Variants in AHRR observed in about 807,000 individuals in gnomAD.
AHRR encodes aryl hydrocarbon receptor repressor.
A neutral mutation model predicts 44.0 loss-of-function variants in AHRR; 28 were observed. That is an observed-to-expected ratio of 0.64 (90% CI 0.47 to 0.87). AHRR has a LOEUF of 0.87. AHRR is among the 40% of genes least tolerant of loss of function. The pLI is 0.00. For synonymous variants in AHRR, 434 were observed against 407.0 expected, an observed-to-expected ratio of 1.07 and a Z score of -0.80; for missense variants, 990 against 953.9, an observed-to-expected ratio of 1.04 and a Z score of -0.50.
chr5:356,057 T>C (rs1743028680), intron 3 of AHRR, among the ~76,000 whole-genome samples: 1 of 152,234 alleles, frequency 6.6e-6, no homozygotes, highest in Non-Finnish European at 1.5e-5. Flanking sequence ...CATAAAAAGT[T>C]GCCTTTGGGA....
intron 3 of AHRR, among the ~76,000 whole-genome samples, chr5:365,627 C>G (rs978269189): frequency 1.3e-5 from 2 of 151,180 alleles, no homozygotes; most frequent in African/African-American, 4.9e-5. Flanking sequence ...AAACATACAA[C>G]AGAGTTCTTT....
At chr5:409,914 G>A (rs1735404905) in intron 4 of AHRR, among the ~76,000 whole-genome samples, 1 of 152,162 alleles carries the variant, frequency 6.6e-6, no homozygotes, top group Non-Finnish European at 1.5e-5. Context: ...CTTTGTGTTT[G>A]TGTCTGTTGT....
intron 1 of AHRR, among the ~76,000 whole-genome samples, chr5:332,336 C>T (rs558835088): frequency 2.7e-5 from 4 of 145,680 alleles, no homozygotes; most frequent in East Asian, 4.0e-4. Flanking sequence ...GGCATGATCT[C>T]GGCTCACCAC....
rs564542491 is a variant in AHRR, at chr5:424,906, C to G, written c.708+929C>G. On this transcript the variant is annotated intron_variant, in intron 7 of 10. Coordinates refer to ENST00000684583, the MANE Select transcript of AHRR (RefSeq NM_001377236.1). ...CTCCCACCCTGTCCCAGAGCCCTGCCCACCTTGCAGACCCTCCAGGCACTG... is the reference window on the plus strand; with the variant it reads ...CTCCCACCCTGTCCCAGAGCCCTGCGCACCTTGCAGACCCTCCAGGCACTG... Among the ~76,000 whole-genome samples the G allele has an allele frequency of 7.2e-5, 11 of 152,358 alleles. No homozygotes were observed. The East Asian group carries it at 9.6e-4, about 13-fold the overall frequency.
chr5:341,853 C>T (rs569953458), intron 1 of AHRR, among the ~76,000 whole-genome samples: 2 of 152,116 alleles, frequency 1.3e-5, no homozygotes, highest in East Asian at 3.9e-4. Context: ...TATCAGTTTC[C>T]ATCAAAGTAC....
chr5:341,844 A>G (rs1184573933), intron 1 of AHRR, among the ~76,000 whole-genome samples: 1 of 152,146 alleles, frequency 6.6e-6, no homozygotes, highest in African/African-American at 2.4e-5. Context: ...ACTTAATGCT[A>G]TCAGTTTCCA....
rs778546297 is a variant in AHRR at position 406,496 on chromosome 5, T to A, written c.352-6848T>A. Among the ~76,000 whole-genome samples the A allele has an allele frequency of 2.2e-4, 34 of 152,220 alleles. No individual in the cohort carries two copies. Among genetic ancestry groups the A allele is most frequent in the Non-Finnish European group, 3.4e-4 (23 of 68,028 alleles). On this transcript the variant is annotated intron_variant, in intron 4 of 10. Coordinates refer to ENST00000684583, the MANE Select transcript of AHRR (RefSeq NM_001377236.1). This position sits in a 1 kb window ranked among gnomAD's most constrained non-coding sequence, Gnocchi z 4.7. ...GAAGTTGTCTCAAAATAAAGGGGGA[T>A]CAGGTGGCTGGTCCACTTGTTCTTA...
chr5:404,271 C>A lies in AHRR; in HGVS notation c.352-9073C>A. ...TCCATGCATGTTCCCAAATCATTGC[C>A]CTTCTCATCAAACATGTGAATAATT... is the stretch of plus-strand genomic sequence containing the variant. On this transcript the variant is annotated intron_variant, in intron 4 of 10. Transcript: ENST00000684583. This position sits in a 1 kb window ranked among gnomAD's most constrained non-coding sequence, Gnocchi z 4.1. The A allele has an allele frequency of 2.0e-6, 1 of 499,250 alleles. No homozygotes were observed. The highest frequency in any genetic ancestry group is 1.6e-5 in the South Asian group (1 of 64,030). 30.9% of individuals were successfully genotyped at this position (499,250 alleles called of 1,614,324 possible).
At chr5:427,722 G>T in intron 7 of AHRR, 85 bp from the exon 8 acceptor site, 1 of 1,613,842 alleles carries the variant, frequency 6.2e-7, no homozygotes, top group Non-Finnish European at 8.5e-7. Context: ...TCCAGCCGCT[G>T]TCGCGCCCTT....
rs2126554713 is a variant in AHRR, at chr5:434,719, T to G, written c.1979T>G (p.Leu660Trp). Reference sequence around the variant, plus strand: ...GCCCCTGTGGTCAAGCGGGAGCCCTTGGACTCACCCCAGTGGGCTACTCAC... The same window carrying G: ...GCCCCTGTGGTCAAGCGGGAGCCCTGGGACTCACCCCAGTGGGCTACTCAC... ...EAAPVVKREP[L>W]DSPQWATHSQ... is the part of the protein sequence containing the mutation. The change falls in exon 11 of 11, where the codon TTG (leucine) becomes TGG (tryptophan). Residue 660 changes from leucine (L) to tryptophan (W), a missense_variant. Leu to Trp is a moderately conservative substitution (Grantham distance 61). Transcript: ENST00000684583. The G allele has an allele frequency of 6.4e-7, 1 of 1,573,908 alleles. No individual in the cohort carries two copies. The highest frequency in any genetic ancestry group is 8.6e-7 in the Non-Finnish European group (1 of 1,159,526).
At chr5:396,592 T>C (rs1734716912) in intron 4 of AHRR, among the ~76,000 whole-genome samples, 1 of 152,190 alleles carries the variant, frequency 6.6e-6, no homozygotes, top group Admixed American at 6.5e-5. Context: ...AAATCCACGT[T>C]TTACCGTCTG....
chr5:379,460 AT>A (rs1484907353), intron 4 of AHRR, among the ~76,000 whole-genome samples: 3 of 152,218 alleles, frequency 2.0e-5, no homozygotes, highest in African/African-American at 7.2e-5. Context: ...TTTAACTCTT[AT>A]CCCCCAGCAG....
In AHRR at chr5:404,524, C is replaced by T. The variant is rs374726498; in HGVS notation, c.352-8820C>T. ...AGACTTTACGGTTTGTAGTGATAAC[C>T]TCTTCAGAAAAAGAGCAGGCGTCCT... On this transcript the variant is annotated intron_variant, in intron 4 of 10. Transcript: ENST00000684583. This position sits in a 1 kb window ranked among gnomAD's most constrained non-coding sequence, Gnocchi z 4.1. 2.0e-5 allele frequency: 7 copies of T among 358,834 alleles called. No individual in the cohort carries two copies. The highest frequency in any genetic ancestry group is 1.5e-4 in the African/African-American group (7 of 46,790). 22.2% of individuals were successfully genotyped at this position (358,834 alleles called of 1,614,324 possible).
chr5:378,697 CAT>C (rs1231939018), intron 4 of AHRR, among the ~76,000 whole-genome samples: 1 of 152,188 alleles, frequency 6.6e-6, no homozygotes, highest in Non-Finnish European at 1.5e-5. Context: ...GCTCCAAAGA[CAT>C]GTGAGCACAC....
Position 401,706 on chromosome 5 carries a change from G to A in AHRR, c.352-11638G>A, listed in dbSNP as rs1049556829. Among the ~76,000 whole-genome samples the A allele has an allele frequency of 2.6e-5, 4 of 152,202 alleles. No homozygotes were observed. The South Asian group carries it at 6.2e-4, about 24-fold the overall frequency. On this transcript the variant is annotated intron_variant, in intron 4 of 10. Coordinates refer to ENST00000684583, the MANE Select transcript of AHRR (RefSeq NM_001377236.1). ...CACAGAGTGTGATTTAACCCTCGCCGCAGCTTCTGAGTCACCGTTTCTCCC... is the reference window on the plus strand; with the variant it reads ...CACAGAGTGTGATTTAACCCTCGCCACAGCTTCTGAGTCACCGTTTCTCCC...
chr5:429,708 T>G (rs910185352), intron 8 of AHRR, among the ~76,000 whole-genome samples: 1 of 152,132 alleles, frequency 6.6e-6, no homozygotes, highest in Non-Finnish European at 1.5e-5. Context: ...AAATACTGAG[T>G]GGGAAAGGAA....
chr5:377,004 C>T (rs1733738666), intron 4 of AHRR, among the ~76,000 whole-genome samples: 2 of 152,184 alleles, frequency 1.3e-5, no homozygotes, highest in Admixed American at 1.3e-4. Context: ...TCATTCTGCA[C>T]CGTCTGCTTT....
intron 1 of AHRR, among the ~76,000 whole-genome samples, chr5:339,592 A>G (rs1198560354): frequency 6.6e-6 from 1 of 152,102 alleles, no homozygotes; most frequent in Non-Finnish European, 1.5e-5. Context: ...GAATGGGGGT[A>G]CACCACAGCT....
chr5:344,006 A>G (rs764857329), intron 2 of AHRR, 42 bp downstream of exon 2: 5 of 1,570,654 alleles, frequency 3.2e-6, no homozygotes, highest in East Asian at 2.5e-5. Context: ...TGTTGCACCC[A>G]TGGAAGGGGA....
Sources: gnomAD v4.1 joint callset for allele counts (sites outside exome capture counted in the v4.1 genomes callset) on GRCh38, gnomAD v4.1.1 for gene constraint, Gnocchi (gnomAD v3.1) non-coding constraint, MANE v1.5 for transcripts, NCBI Gene and HGNC (gene_info 2026-07-23, HGNC 2026-07-21) for gene names.